The following CCDC18 variants were observed in gnomAD, a reference collection of about 807,000 sequenced individuals.
CCDC18 encodes coiled-coil domain containing 18.
CCDC18 carries 157 observed loss-of-function variants against 196.0 expected under a neutral mutation model. That is an observed-to-expected ratio of 0.80 (90% CI 0.70 to 0.91). CCDC18 has a LOEUF of 0.91. Ranked by LOEUF, CCDC18 falls within the 40% of genes least tolerant of loss-of-function variation. CCDC18 has a pLI of 0.00. For missense variants in CCDC18, 1,465 were observed against 1,611.6 expected, an observed-to-expected ratio of 0.91 and a Z score of 1.56; for synonymous variants, 482 against 529.2, an observed-to-expected ratio of 0.91 and a Z score of 1.22.
At chr1:93,205,234 C>A (rs184464965) in intron 7 of CCDC18, among the ~76,000 whole-genome samples, 2 of 152,106 alleles carry the variant, frequency 1.3e-5, no homozygotes, top group African/African-American at 2.4e-5. Context: ...TTTAGTAACT[C>A]GGACGCAGCA....
At chr1:93,223,316 A>C (rs1657751684) in intron 16 of CCDC18, among the ~76,000 whole-genome samples, 1 of 152,192 alleles carries the variant, frequency 6.6e-6, no homozygotes, top group African/African-American at 2.4e-5. Flanking sequence ...CTGTTTGGGG[A>C]AAAATCAAAA....
intron 17 of CCDC18, among the ~76,000 whole-genome samples, chr1:93,228,420 A>G (rs1019635414): frequency 6.6e-6 from 1 of 152,126 alleles, no homozygotes; most frequent in Admixed American, 6.5e-5. Context: ...AACAGGGGAA[A>G]GCCATAGGTA....
At chr1:93,249,950 A>AT (rs1557689095) in intron 23 of CCDC18, among the ~76,000 whole-genome samples, 2 of 151,998 alleles carry the variant, frequency 1.3e-5, no homozygotes, top group African/African-American at 2.4e-5. Flanking sequence ...AGACATTAAA[A>AT]TTTTTTTTAA....
At chr1:93,235,012 A>G (rs1280561278) in intron 18 of CCDC18, among the ~76,000 whole-genome samples, 1 of 137,536 alleles carries the variant, frequency 7.3e-6, no homozygotes, top group African/African-American at 2.8e-5. Flanking sequence ...TTTGGTAGAG[A>G]CAGAGTTTCA....
intron 23 of CCDC18, among the ~76,000 whole-genome samples, chr1:93,248,741 C>T (rs762508432): frequency 2.0e-5 from 3 of 151,904 alleles, no homozygotes; most frequent in South Asian, 2.1e-4. Context: ...TTTGGGAGGT[C>T]GAGGTGGGCA....
upstream of CCDC18, chr1:93,180,028 G>C (rs1649249360): frequency 1.9e-6 from 3 of 1,603,588 alleles, no homozygotes; most frequent in South Asian, 3.3e-5. Context: ...TTAAAGGAAG[G>C]AGGCTGGTTT....
chr1:93,266,187 A>G (rs1664476722), intron 27 of CCDC18, among the ~76,000 whole-genome samples: 3 of 152,242 alleles, frequency 2.0e-5, no homozygotes, highest in African/African-American at 7.2e-5. Flanking sequence ...CTCCTTCTGA[A>G]TGACTACTGG....
intron 7 of CCDC18, among the ~76,000 whole-genome samples, chr1:93,204,647 A>G (rs1248326018): frequency 6.6e-6 from 1 of 152,204 alleles, no homozygotes; most frequent in African/African-American, 2.4e-5. Context: ...TCAAGGAGAA[A>G]GTCTGCAGTT....
chr1:93,255,109 C>T (rs999777954), intron 24 of CCDC18, among the ~76,000 whole-genome samples: 2 of 151,630 alleles, frequency 1.3e-5, no homozygotes, highest in African/African-American at 4.8e-5. Context: ...CCTGCCACCA[C>T]GCCTGGCTAA....
chr1:93,213,967 G>T (rs1465772425), intron 11 of CCDC18, among the ~76,000 whole-genome samples: 2 of 152,216 alleles, frequency 1.3e-5, no homozygotes, highest in African/African-American at 4.8e-5. Context: ...TTCCACATCT[G>T]TGTGTTCTCA....
intron 4 of CCDC18, 107 bp from the exon 5 acceptor site, chr1:93,191,893 G>C: frequency 4.4e-6 from 3 of 674,378 alleles, no homozygotes; most frequent in Non-Finnish European, 7.9e-6. Flanking sequence ...TCTGACCAAT[G>C]ATTTGGGAGC....
At position 93,227,957 on chromosome 1, in the gene CCDC18, C is replaced by CA. The variant is rs71586784; in HGVS notation, c.2292+1523dup. ...TGGGCAGCACAGCGAGACCCTATCT[C>CA]AAAAAAAAAAAAAAATATATATATA... On this transcript the variant is annotated intron_variant, in intron 17 of 28. Coordinates refer to ENST00000690025, the MANE Select transcript of CCDC18 (RefSeq NM_001378204.1). Among the ~76,000 whole-genome samples the CA allele has an allele frequency of 3.4e-3, 353 of 105,144 alleles. 1 individual carries two copies. Among genetic ancestry groups the CA allele is most frequent in the Middle Eastern group, 0.012 (2 of 170 alleles). The allele number at this position is 105,144 out of a possible 152,430, so 69.0% of individuals were successfully genotyped here.
At chr1:93,183,857 G>T in intron 2 of CCDC18, 121 bp from the exon 3 acceptor site, 1 of 543,450 alleles carries the variant, frequency 1.8e-6, no homozygotes, top group South Asian at 5.8e-5. Flanking sequence ...ATTGCCTTAT[G>T]TTCATAACTG....
At chr1:93,182,561 G>GT (rs1649909495) in intron 1 of CCDC18, among the ~76,000 whole-genome samples, 1 of 152,106 alleles carries the variant, frequency 6.6e-6, no homozygotes, top group Non-Finnish European at 1.5e-5. Context: ...TAAAGCTTTA[G>GT]TTTTTTATTG....
intron 19 of CCDC18, among the ~76,000 whole-genome samples, chr1:93,236,738 T>A (rs1454711395): frequency 6.6e-6 from 1 of 152,192 alleles, no homozygotes; most frequent in Admixed American, 6.5e-5. Flanking sequence ...AATGTAAATG[T>A]ACTCACATAG....
At chr1:93,267,354 T>G (rs1664667202) in intron 27 of CCDC18, among the ~76,000 whole-genome samples, 1 of 152,134 alleles carries the variant, frequency 6.6e-6, no homozygotes, top group Non-Finnish European at 1.5e-5. Context: ...GGGCAAAAAC[T>G]GGAAGCATTC....
In CCDC18 at chr1:93,246,841, A is replaced by G. The variant is rs766217303; in HGVS notation, c.3085A>G (p.Thr1029Ala). 7 of 1,388,488 alleles carry G rather than the reference A, an allele frequency of 5.0e-6. No individual in the cohort carries two copies. In the East Asian group the frequency reaches 1.6e-4, roughly 32 times the overall value. The allele number at this position is 1,388,488 out of a possible 1,614,324, so 86.0% of individuals were successfully genotyped here. A position where few individuals can be genotyped will look rare whatever the true frequency, so the allele number is the denominator to read the frequency against. The stretch of plus-strand genomic sequence containing the variant: ...ACAGTTTAAGGTTATTTTTTAGGTT[A>G]CACATTTGGATATGACTATTCGTGA... ...WELKQRAAQV[T>A]HLDMTIREHR... Residue 1029 changes from threonine to alanine, a missense_variant, in exon 23 of 29, where the codon ACA (threonine) becomes GCA (alanine). By Grantham distance (58) the Thr-to-Ala change is moderately conservative. Coordinates refer to ENST00000690025, the MANE Select transcript of CCDC18 (RefSeq NM_001378204.1).
At chr1:93,222,012 T>A in intron 16 of CCDC18, 76 bp downstream of exon 16, 1 of 981,762 alleles carries the variant, frequency 1.0e-6, no homozygotes, top group Non-Finnish European at 1.5e-6. Flanking sequence ...CTCATTTGCC[T>A]AGGCTGGAGT....
At chr1:93,210,734 G>T in intron 9 of CCDC18, 68 bp from the exon 10 acceptor site, 1 of 1,203,774 alleles carries the variant, frequency 8.3e-7, no homozygotes, top group Non-Finnish European at 1.2e-6. Context: ...AAAATTTGAA[G>T]TTCTGAATAA....
Sources: allele counts gnomAD v4.1 joint callset (sites outside exome capture counted in the v4.1 genomes callset), GRCh38; gene constraint gnomAD v4.1.1; transcripts MANE v1.5; gene names NCBI Gene and HGNC (gene_info 2026-07-23, HGNC 2026-07-21).